The following USP31 variants were observed in gnomAD, a reference collection of about 807,000 sequenced individuals.
USP31 encodes ubiquitin specific peptidase 31.
USP31 carries 44 observed loss-of-function variants against 119.4 expected under a neutral mutation model. The ratio of observed to expected loss-of-function variants is 0.37; its 90% CI spans 0.29 to 0.47. USP31 has a LOEUF of 0.47. Ranked by LOEUF, USP31 falls within the 20% of genes least tolerant of loss-of-function variation. The pLI, the probability that USP31 is intolerant of heterozygous loss-of-function variation, is 0.99. For missense variants in USP31, 1,643 were observed against 1,730.2 expected (o/e 0.95, Z 0.89); for synonymous variants, 749 against 705.6 (o/e 1.06, Z -0.97).
At position 23,062,625 on chromosome 16, in the gene USP31, G is replaced by A. The variant is rs1273381446; in HGVS notation, c.*5421C>T. The stretch of plus-strand genomic sequence containing the variant: ...TCTTCGACAATTTCTAGCTCAGAGT[G>A]ACTTCCCTATTCCCCCACGGGCCTG... On this transcript the variant is annotated 3_prime_UTR_variant, in exon 16 of 16. Coordinates refer to ENST00000219689, the MANE Select transcript of USP31 (RefSeq NM_020718.4). 2.0e-5 allele frequency: 3 copies of A among 152,416 alleles called. No individual in the cohort carries two copies. Among genetic ancestry groups the A allele is most frequent in the African/African-American group, 7.2e-5 (3 of 41,432 alleles). 9.4% of individuals were successfully genotyped at this position (152,416 alleles called of 1,614,324 possible).
At chr16:23,145,640 T>C (rs913620648) in intron 1 of USP31, among the ~76,000 whole-genome samples, 1 of 152,042 alleles carries the variant, frequency 6.6e-6, no homozygotes, top group Non-Finnish European at 1.5e-5. Context: ...TGGACAACCA[T>C]GAGGTGACAA....
rs1900012779 is a variant in USP31, at chr16:23,065,129, A to G, written c.*2917T>C. 1 of 152,270 alleles carries G rather than the reference A, an allele frequency of 6.6e-6. No individual in the cohort carries two copies. The highest frequency in any genetic ancestry group is 1.5e-5 in the Non-Finnish European group (1 of 68,032). 9.4% of individuals were successfully genotyped at this position (152,270 alleles called of 1,614,324 possible). A position where few individuals can be genotyped will look rare whatever the true frequency, so the allele number is the denominator to read the frequency against. On this transcript the variant is annotated 3_prime_UTR_variant, in exon 16 of 16. Coordinates refer to ENST00000219689, the MANE Select transcript of USP31 (RefSeq NM_020718.4). ...GGATGTTTACAAGAAATCAAGAATA[A>G]AACTTTAAAAAGCAAACAAACATTA...
rs138314664 is a variant in USP31, at chr16:23,110,207, C to T, written c.634-2024G>A. ...ACTATCCTAAAAGTTTATTTAAATA[C>T]GAATATATATATTTACAAACTTTCT... On this transcript the variant is annotated intron_variant, in intron 1 of 15. Coordinates refer to ENST00000219689, the MANE Select transcript of USP31 (RefSeq NM_020718.4). Among the ~76,000 whole-genome samples, 129 of 152,240 alleles carry T rather than the reference C, an allele frequency of 8.5e-4. 1 individual carries two copies. The highest frequency in any genetic ancestry group is 2.7e-3 in the African/African-American group (113 of 41,538).
intron 13 of USP31, among the ~76,000 whole-genome samples, chr16:23,077,827 G>C (rs781730160): frequency 7.2e-5 from 11 of 152,158 alleles, no homozygotes; most frequent in Middle Eastern, 3.4e-3. Context: ...CAGGCCCTTA[G>C]CCCAATGATT....
chr16:23,142,104 C>G (rs1039882893), intron 1 of USP31, among the ~76,000 whole-genome samples: 1 of 152,186 alleles, frequency 6.6e-6, no homozygotes, highest in Non-Finnish European at 1.5e-5. Flanking sequence ...CTAACAATAA[C>G]TGTGCAGCAA....
At chr16:23,071,316 T>A (rs186911880) in intron 15 of USP31, among the ~76,000 whole-genome samples, 2 of 151,952 alleles carry the variant, frequency 1.3e-5, no homozygotes, top group Admixed American at 6.6e-5. Context: ...CTGAGACTTG[T>A]TGGCAGATTG....
chr16:23,131,272 A>G (rs1596733219), intron 1 of USP31, among the ~76,000 whole-genome samples: 1 of 152,204 alleles, frequency 6.6e-6, no homozygotes, highest in African/African-American at 2.4e-5. Flanking sequence ...ACTGCACTCC[A>G]GGCTGGGCGA....
chr16:23,085,580 C>A lies in USP31; in HGVS notation c.1700+5G>T, dbSNP rs1901071020. Reference sequence around the variant, plus strand: ...TCTATAAACACTAACTTTAAAAATACTCACAAATCTCTTGTCTCCTTGTCC... The same window carrying A: ...TCTATAAACACTAACTTTAAAAATAATCACAAATCTCTTGTCTCCTTGTCC... On this transcript the variant is annotated splice_donor_5th_base_variant and intron_variant, in intron 10 of 15. Transcript: ENST00000219689. 2.5e-6 allele frequency: 4 copies of A among 1,610,644 alleles called. No homozygotes were observed. The highest frequency in any genetic ancestry group is 1.3e-5 in the African/African-American group (1 of 74,802).
At chr16:23,141,381 A>ATT (rs35803209) in intron 1 of USP31, among the ~76,000 whole-genome samples, 7,529 of 145,568 alleles carry the variant, frequency 0.052, 290 homozygotes, top group Non-Finnish European at 0.073. Flanking sequence ...TTATACAATA[A>ATT]TTTTTTTTTT....
At chr16:23,116,204 AAAAC>A (rs2141883745) in intron 1 of USP31, among the ~76,000 whole-genome samples, 1 of 152,336 alleles carries the variant, frequency 6.6e-6, no homozygotes, top group East Asian at 1.9e-4. Context: ...ATCATGGACA[AAAAC>A]AAAAACAAAC....
In USP31 at chr16:23,063,687, A is replaced by G. The variant is rs542478639; in HGVS notation, c.*4359T>C. On this transcript the variant is annotated 3_prime_UTR_variant, in exon 16 of 16. Transcript: ENST00000219689. ...TCTTCTACACAATGATGAGTAAGCC[A>G]TATTTTGAAAATCACAAATTTAAAA... is the stretch of plus-strand genomic sequence containing the variant. 9.2e-5 allele frequency: 14 copies of G among 152,388 alleles called. No homozygotes were observed. The highest frequency in any genetic ancestry group is 3.3e-4 in the Admixed American group (5 of 15,292). 9.4% of individuals were successfully genotyped at this position (152,388 alleles called of 1,614,324 possible). A position where few individuals can be genotyped will look rare whatever the true frequency, so the allele number is the denominator to read the frequency against.
At chr16:23,101,970 TAAAAAAAAAAA>T (rs34773118) in intron 6 of USP31, among the ~76,000 whole-genome samples, 4 of 85,530 alleles carry the variant, frequency 4.7e-5, no homozygotes, top group South Asian at 4.3e-4. Flanking sequence ...TAGCAAAATT[TAAAAAAAAAAA>T]AAAAAAAAAA....
At chr16:23,098,860 A>G (rs1901728729) in intron 6 of USP31, among the ~76,000 whole-genome samples, 1 of 152,242 alleles carries the variant, frequency 6.6e-6, no homozygotes, top group African/African-American at 2.4e-5. Flanking sequence ...ACCTAGAACC[A>G]TAAAAACCCT....
intron 6 of USP31, among the ~76,000 whole-genome samples, chr16:23,093,176 A>C (rs1271289240): frequency 6.6e-6 from 1 of 152,250 alleles, no homozygotes; most frequent in Non-Finnish European, 1.5e-5. Flanking sequence ...AAGAAAAAAC[A>C]GACTTCATCA....
intron 7 of USP31, among the ~76,000 whole-genome samples, chr16:23,088,967 C>T (rs536657749): frequency 6.6e-6 from 1 of 152,342 alleles, no homozygotes; most frequent in South Asian, 2.1e-4. Context: ...AAACTGTTCG[C>T]TCACAGTGGT....
At chr16:23,108,212 A>T in intron 1 of USP31, 29 bp from the exon 2 acceptor site, 1 of 1,574,352 alleles carries the variant, frequency 6.4e-7, no homozygotes, top group Non-Finnish European at 8.6e-7. Context: ...CACCATGAAC[A>T]GCTGTGAGTT....
rs1426298465 is a variant in USP31, at chr16:23,061,883, G to T, written c.*6163C>A. The stretch of plus-strand genomic sequence containing the variant: ...GGCTTAAATTCAATTTTAACCAGTG[G>T]TGAGAGGCACAGTTGGTGAGCAGAC... On this transcript the variant is annotated 3_prime_UTR_variant, in exon 16 of 16. Transcript: ENST00000219689. 6.6e-6 allele frequency: 1 copy of T among 152,668 alleles called. No individual in the cohort carries two copies. The highest frequency in any genetic ancestry group is 2.4e-5 in the African/African-American group (1 of 41,464). 9.5% of individuals were successfully genotyped at this position (152,668 alleles called of 1,614,324 possible).
chr16:23,072,259 A>C, intron 14 of USP31, 62 bp from the exon 15 acceptor site: 1 of 1,554,918 alleles, frequency 6.4e-7, no homozygotes, highest in East Asian at 2.4e-5. Context: ...CCTGAGCCAC[A>C]CACACCCTCA....
rs1900181690 is a variant in USP31 at position 23,068,395 on chromosome 16, T to G, written c.3710A>C (p.Glu1237Ala). The change falls in exon 16 of 16, where the codon GAA (glutamate) becomes GCA (alanine). Residue 1237 changes from glutamate to alanine, a missense_variant. Coordinates refer to ENST00000219689, the MANE Select transcript of USP31 (RefSeq NM_020718.4). ...SFFKSALRQK[E>A]TRRSTDLGKT... is the part of the protein sequence containing the mutation. ...GCCAAGATCCGTCGAGCGCCGGGTT[T>G]CCTTCTGTCTCAAGGCTGATTTGAA... is the stretch of plus-strand genomic sequence containing the variant. The G allele has an allele frequency of 6.2e-7, 1 of 1,614,002 alleles. No homozygotes were observed. Among genetic ancestry groups the G allele is most frequent in the East Asian group, 2.2e-5 (1 of 44,876 alleles).
Sources: gnomAD v4.1 joint callset for allele counts (sites outside exome capture counted in the v4.1 genomes callset) on GRCh38, gnomAD v4.1.1 for gene constraint, MANE v1.5 for transcripts, NCBI Gene and HGNC (gene_info 2026-07-23, HGNC 2026-07-21) for gene names.